Variants in TBC1D32 observed in about 807,000 individuals in gnomAD.
The protein encoded by TBC1D32 is protein broad-minded.
A neutral mutation model predicts 170.3 loss-of-function variants in TBC1D32; 151 were observed. The observed-to-expected ratio is 0.89, with a 90% confidence interval of 0.78 to 1.01. TBC1D32 has a LOEUF of 1.01. TBC1D32 is among the 50% of genes least tolerant of loss of function. TBC1D32 has a pLI of 0.00. For missense variants in TBC1D32, 1,464 were observed against 1,457.1 expected, an observed-to-expected ratio of 1.00 and a Z score of -0.08; for synonymous variants, 498 against 488.0, an observed-to-expected ratio of 1.02 and a Z score of -0.27.
At chr6:121,139,280 T>A (rs900075574) in intron 24 of TBC1D32, among the ~76,000 whole-genome samples, 2 of 152,246 alleles carry the variant, frequency 1.3e-5, no homozygotes, top group Admixed American at 1.3e-4. Context: ...AGTCATTCGT[T>A]AAATAGGCAA....
rs547769403 is a variant in TBC1D32 at position 121,291,455 on chromosome 6, A to T, written c.1372+598T>A. 3.7e-4 allele frequency among the ~76,000 whole-genome samples: 56 copies of T among 152,266 alleles called. 1 individual carries two copies. Among genetic ancestry groups the T allele is most frequent in the African/African-American group, 1.3e-3 (56 of 41,560 alleles). The stretch of plus-strand genomic sequence containing the variant: ...AAAAAAAAACAAAAAAACAAAAAAC[A>T]GTTTGCTGTTCCCTGCCATATACTA... On this transcript the variant is annotated intron_variant, in intron 12 of 31. Coordinates refer to ENST00000398212, the MANE Select transcript of TBC1D32 (RefSeq NM_152730.6).
chr6:121,238,860 G>A (rs1653225306), intron 20 of TBC1D32, among the ~76,000 whole-genome samples: 1 of 151,756 alleles, frequency 6.6e-6, no homozygotes, highest in African/African-American at 2.4e-5. Context: ...AATAATTCTT[G>A]CAAAATATTA....
rs1409211499 is a variant in TBC1D32, at chr6:121,207,787, CA to C, written c.2482-2625del. 2.6e-5 allele frequency among the ~76,000 whole-genome samples: 4 copies of C among 152,186 alleles called. No homozygotes were observed. The South Asian group carries it at 8.3e-4, about 32-fold the overall frequency. On this transcript the variant is annotated intron_variant, in intron 21 of 31. Coordinates refer to ENST00000398212, the MANE Select transcript of TBC1D32 (RefSeq NM_152730.6). ...TCAGACTGAGGCCATACTGGAAAAA[CA>C]AAAAGGAATATCAGTTCTATATAAA...
intron 15 of TBC1D32, 27 bp from the exon 16 acceptor site, chr6:121,256,312 C>T: frequency 6.4e-7 from 1 of 1,568,140 alleles, no homozygotes; most frequent in Non-Finnish European, 8.7e-7. Flanking sequence ...GAAAGTGATT[C>T]CAAGGTTATA....
intron 3 of TBC1D32, among the ~76,000 whole-genome samples, chr6:121,313,853 G>T (rs964539283): frequency 6.6e-6 from 1 of 152,068 alleles, no homozygotes; most frequent in African/African-American, 2.4e-5. Flanking sequence ...CTTACAAGCA[G>T]AATTCTTCAC....
At chr6:121,288,093 C>G (rs1002667157) in intron 12 of TBC1D32, among the ~76,000 whole-genome samples, 4 of 152,034 alleles carry the variant, frequency 2.6e-5, no homozygotes, top group Admixed American at 2.6e-4. Context: ...ATTAAAAGAA[C>G]TAGAGAAGCA....
chr6:121,143,109 G>A (rs761180762), intron 24 of TBC1D32, among the ~76,000 whole-genome samples: 9 of 152,156 alleles, frequency 5.9e-5, no homozygotes, highest in African/African-American at 9.6e-5. Context: ...ACATTAGTAC[G>A]TATTATACTA....
chr6:121,131,002 A>G (rs1225768532), intron 25 of TBC1D32, among the ~76,000 whole-genome samples: 1 of 152,136 alleles, frequency 6.6e-6, no homozygotes, highest in Non-Finnish European at 1.5e-5. Flanking sequence ...TGAAAACTAT[A>G]AAGCATTGCT....
intron 30 of TBC1D32, among the ~76,000 whole-genome samples, chr6:121,101,091 A>C (rs1416828375): frequency 6.6e-6 from 1 of 152,172 alleles, no homozygotes. Context: ...TGAGGCAATA[A>C]TTAATAGCTT....
chr6:121,160,223 T>C, intron 23 of TBC1D32, 120 bp from the exon 24 acceptor site: 1 of 639,978 alleles, frequency 1.6e-6, no homozygotes, highest in South Asian at 2.2e-5. Flanking sequence ...TCTGCAGTTG[T>C]TGCCCAGTTA....
intron 15 of TBC1D32, among the ~76,000 whole-genome samples, chr6:121,272,836 A>G (rs1175918046): frequency 2.0e-5 from 3 of 152,206 alleles, no homozygotes; most frequent in Non-Finnish European, 4.4e-5. Flanking sequence ...ACTATTCACA[A>G]TAGCAAAGAC....
chr6:121,194,631 C>A lies in TBC1D32; in HGVS notation c.2570+10444G>T, dbSNP rs143770052. Among the ~76,000 whole-genome samples the A allele has an allele frequency of 1.5e-3, 231 of 152,322 alleles. 1 individual carries two copies. The highest frequency in any genetic ancestry group is 5.4e-3 in the African/African-American group (224 of 41,566). On this transcript the variant is annotated intron_variant, in intron 22 of 31. Coordinates refer to ENST00000398212, the MANE Select transcript of TBC1D32 (RefSeq NM_152730.6). ...ACATCTCCTTGTACCTGGTATGCAGCCATTGACTTGGCAAATGCCTTTTTC... is the reference window on the plus strand; with the variant it reads ...ACATCTCCTTGTACCTGGTATGCAGACATTGACTTGGCAAATGCCTTTTTC...
chr6:121,328,863 TG>T (rs2128513103), intron 1 of TBC1D32, among the ~76,000 whole-genome samples: 1 of 152,334 alleles, frequency 6.6e-6, no homozygotes, highest in African/African-American at 2.4e-5. Context: ...TGACTAACCT[TG>T]TTACTTTAGA....
Position 121,294,528 on chromosome 6 carries a change from T to G in TBC1D32, c.1231+42A>C, listed in dbSNP as rs1289541269. The G allele has an allele frequency of 1.2e-5, 18 of 1,454,624 alleles. No individual in the cohort carries two copies. In the African/African-American group the frequency reaches 2.6e-4, roughly 21 times the overall value. The allele number at this position is 1,454,624 out of a possible 1,614,324, so 90.1% of individuals were successfully genotyped here. ...ACTAAACTGTATTTACTAATAAAATTTACCATTTTTAAAAGTATGTAATAG... is the reference window on the plus strand; with the variant it reads ...ACTAAACTGTATTTACTAATAAAATGTACCATTTTTAAAAGTATGTAATAG... On this transcript the variant is annotated intron_variant, in intron 11 of 31. Transcript: ENST00000398212.
At chr6:121,318,082 C>G (rs896183024) in intron 2 of TBC1D32, among the ~76,000 whole-genome samples, 1 of 150,598 alleles carries the variant, frequency 6.6e-6, no homozygotes, top group Non-Finnish European at 1.5e-5. Context: ...TCTCCACCCC[C>G]CTATCCTTTA....
At chr6:121,141,843 C>T (rs562965421) in intron 24 of TBC1D32, among the ~76,000 whole-genome samples, 6 of 151,886 alleles carry the variant, frequency 4.0e-5, no homozygotes, top group African/African-American at 9.7e-5. Flanking sequence ...TTTAAAAAGC[C>T]GGAAGGTTTT....
intron 21 of TBC1D32, among the ~76,000 whole-genome samples, chr6:121,217,052 AAC>A (rs1210696096): frequency 7.9e-5 from 12 of 152,236 alleles, no homozygotes; most frequent in African/African-American, 2.9e-4. Context: ...GAGGATTCCT[AAC>A]ACAGCCCCAT....
intron 22 of TBC1D32, among the ~76,000 whole-genome samples, chr6:121,174,920 T>C (rs1336821298): frequency 1.3e-5 from 2 of 151,042 alleles, no homozygotes; most frequent in African/African-American, 4.9e-5. Flanking sequence ...AGGTCCCAGC[T>C]ACCGGAGAGG....
At chr6:121,093,044 C>A (rs950235063) in intron 30 of TBC1D32, among the ~76,000 whole-genome samples, 2 of 152,116 alleles carry the variant, frequency 1.3e-5, no homozygotes. Context: ...GTTCCAAAAT[C>A]TTTCCAAAGA....
Sources: gnomAD v4.1 joint callset for allele counts (sites outside exome capture counted in the v4.1 genomes callset) on GRCh38, gnomAD v4.1.1 for gene constraint, MANE v1.5 for transcripts, NCBI Gene and HGNC (gene_info 2026-07-23, HGNC 2026-07-21) for gene names.